Variants in ANK1 observed in about 807,000 individuals in gnomAD.
ANK1 encodes the protein ankyrin-1.
A neutral mutation model predicts 210.4 loss-of-function variants in ANK1; 51 were observed. The observed-to-expected ratio is 0.24, with a 90% confidence interval of 0.19 to 0.31. The LOEUF (loss-of-function observed/expected upper bound fraction) is 0.31. Ranked by LOEUF, ANK1 falls within the 10% of genes least tolerant of loss-of-function variation. ANK1 has a pLI of 1.00. For synonymous variants in ANK1, 967 were observed against 1,025.9 expected (o/e 0.94, Z 1.10); for missense variants, 2,051 against 2,504.4 (o/e 0.82, Z 3.86).
chr8:41,750,830 TGA>T (rs1837532844), intron 2 of ANK1, among the ~76,000 whole-genome samples: 1 of 152,228 alleles, frequency 6.6e-6, no homozygotes, highest in African/African-American at 2.4e-5. Context: ...TGCCTTACGC[TGA>T]GTTGTGGACG....
At chr8:41,788,488 GACCAGCCAGTCA>G (rs1846909256) in intron 1 of ANK1, among the ~76,000 whole-genome samples, 1 of 152,150 alleles carries the variant, frequency 6.6e-6, no homozygotes, top group Non-Finnish European at 1.5e-5. Context: ...GCACCTACAC[GACCAGCCAGTCA>G]ATATCCCCAA....
chr8:41,690,665 C>T (rs1819031676), intron 31 of ANK1, 66 bp from the exon 32 acceptor site: 1 of 1,575,720 alleles, frequency 6.3e-7, no homozygotes, highest in Non-Finnish European at 8.6e-7. Flanking sequence ...CCTCCTTCCA[C>T]CTTCGGTCCT....
Position 41,675,917 on chromosome 8 carries a change from T to TGA in ANK1, c.4538-3006_4538-3005insTC, listed in dbSNP as rs1814007588. Among the ~76,000 whole-genome samples, 3 of 152,352 alleles carry TGA rather than the reference T, an allele frequency of 2.0e-5. No homozygotes were observed. The South Asian group carries it at 6.2e-4, about 32-fold the overall frequency. ...CTTCTTTCACTCAACGTAGTCAATT[T>TGA]GGGTTTCATCCATGCTGATGCATGT... On this transcript the variant is annotated intron_variant, in intron 37 of 42. Transcript: ENST00000289734.
chr8:41,879,013 G>A (rs1029460716), intron 1 of ANK1, among the ~76,000 whole-genome samples: 2 of 152,048 alleles, frequency 1.3e-5, no homozygotes, highest in Non-Finnish European at 2.9e-5. Context: ...GCAGTGAGCC[G>A]AGATTGCGCC....
chr8:41,858,936 A>C (rs1456502210), intron 1 of ANK1, among the ~76,000 whole-genome samples: 1 of 152,240 alleles, frequency 6.6e-6, no homozygotes, highest in Non-Finnish European at 1.5e-5. Context: ...GGAGGGACTC[A>C]GCTCAGGAAG....
intron 2 of ANK1, among the ~76,000 whole-genome samples, chr8:41,740,815 G>A (rs1834603477): frequency 1.3e-5 from 2 of 152,184 alleles, no homozygotes; most frequent in South Asian, 4.1e-4. Context: ...TGGGATACAG[G>A]CGCAAACCAG....
chr8:41,733,918 C>T, intron 3 of ANK1, 53 bp downstream of exon 3: 6 of 1,467,498 alleles, frequency 4.1e-6, no homozygotes, highest in Non-Finnish European at 5.7e-6. Context: ...TAAGGAAGGA[C>T]TCACAAACTT....
chr8:41,753,318 G>A (rs112292869), intron 2 of ANK1, among the ~76,000 whole-genome samples: 5,628 of 151,980 alleles, frequency 0.037, 347 homozygotes, highest in African/African-American at 0.13. Flanking sequence ...TGCCCACCTC[G>A]GCCTCCCAAA....
chr8:41,663,828 T>C lies in ANK1; in HGVS notation c.5395-86A>G, dbSNP rs536479796. 1.6e-4 allele frequency: 164 copies of C among 1,025,260 alleles called. No homozygotes were observed. In the South Asian group the frequency reaches 1.8e-3, roughly 11 times the overall value. The allele number at this position is 1,025,260 out of a possible 1,614,324, so 63.5% of individuals were successfully genotyped here. A position where few individuals can be genotyped will look rare whatever the true frequency, so the allele number is the denominator to read the frequency against. ...GGAGGACGAGGAAATGAAACAGCAG[T>C]AGCCACAATAGCCATGGCCCAATAA... On this transcript the variant is annotated intron_variant, in intron 39 of 42. Coordinates refer to ENST00000289734, the MANE Select transcript of ANK1 (RefSeq NM_000037.4).
Position 41,717,626 on chromosome 8 carries a change from G to A in ANK1, c.1283C>T (p.Ala428Val), listed in dbSNP as rs1015648649. ...TACCACGTTGGAGACGTTGGGCGAC[G>A]CCCCCCGCTGCAGGAGGTTCTTCAC... ...PIVKNLLQRG[A>V]SPNVSNVKVE... The change falls in exon 12 of 43, where the codon GCG becomes GTG. Residue 428 changes from alanine (A) to valine (V), a missense_variant. Coordinates refer to ENST00000289734, the MANE Select transcript of ANK1 (RefSeq NM_000037.4). The A allele has an allele frequency of 1.2e-5, 19 of 1,551,390 alleles. No individual in the cohort carries two copies. Among genetic ancestry groups the A allele is most frequent in the East Asian group, 2.4e-5 (1 of 40,926 alleles).
chr8:41,716,282 G>C (rs964980765), intron 13 of ANK1, among the ~76,000 whole-genome samples: 17 of 151,978 alleles, frequency 1.1e-4, no homozygotes, highest in African/African-American at 3.9e-4. Context: ...TTGAACTCTA[G>C]TTTGATTTTC....
At chr8:41,802,281 C>T (rs1365864072), upstream of ANK1, among the ~76,000 whole-genome samples, 4 of 152,230 alleles carry the variant, frequency 2.6e-5, no homozygotes, top group Non-Finnish European at 4.4e-5. Context: ...TGAGCCACCA[C>T]GCCCGACCTA....
chr8:41,845,616 T>C (rs1000263418), intron 1 of ANK1, among the ~76,000 whole-genome samples: 1 of 152,100 alleles, frequency 6.6e-6, no homozygotes, highest in East Asian at 1.9e-4. Context: ...ACTCCCTTCC[T>C]GCTGCAGTTG....
intron 20 of ANK1, among the ~76,000 whole-genome samples, 194 bp downstream of exon 20, chr8:41,703,847 C>T (rs781694461): frequency 1.4e-4 from 21 of 152,038 alleles, no homozygotes; most frequent in Non-Finnish European, 7.4e-5. Flanking sequence ...AAAAGGAAAA[C>T]GATCAATTCA....
intron 42 of ANK1, chr8:41,660,606 T>TGGCAC (rs777043700): frequency 2.3e-5 from 10 of 442,722 alleles, no homozygotes; most frequent in Non-Finnish European, 3.2e-5. Flanking sequence ...CCCTTCCTCA[T>TGGCAC]GGCACGGCAC....
At position 41,716,570 on chromosome 8, in the gene ANK1, G is replaced by A. The variant is rs80209606; in HGVS notation, c.1404+383C>T. Among the ~76,000 whole-genome samples, 581 of 152,182 alleles carry A rather than the reference G, an allele frequency of 3.8e-3. 9 individuals carry two copies. The highest frequency in any genetic ancestry group is 0.036 in the East Asian group (183 of 5,148). Reference sequence around the variant, plus strand: ...CTCACTGTCTACTCCTCCAACCCCCGCAAAATGTGTTTACAGCAAGGGGGA... The same window carrying A: ...CTCACTGTCTACTCCTCCAACCCCCACAAAATGTGTTTACAGCAAGGGGGA... On this transcript the variant is annotated intron_variant, in intron 13 of 42. Transcript: ENST00000289734.
intron 1 of ANK1, among the ~76,000 whole-genome samples, chr8:41,839,106 C>T (rs921920236): frequency 2.6e-5 from 4 of 152,168 alleles, no homozygotes; most frequent in Admixed American, 6.5e-5. Context: ...AAAGATGCAA[C>T]AATGACTGTA....
At chr8:41,680,291 A>C (rs893431802) in intron 37 of ANK1, among the ~76,000 whole-genome samples, 3 of 152,174 alleles carry the variant, frequency 2.0e-5, no homozygotes, top group African/African-American at 7.2e-5. Flanking sequence ...GGCCGGGCAC[A>C]GTGGCTCATG....
At chr8:41,808,317 C>G (rs1240575061) in intron 1 of ANK1, among the ~76,000 whole-genome samples, 2 of 152,188 alleles carry the variant, frequency 1.3e-5, no homozygotes, top group African/African-American at 4.8e-5. Flanking sequence ...GTAAGATGGT[C>G]TCAGTCCTGG....
Sources: allele counts gnomAD v4.1 joint callset (sites outside exome capture counted in the v4.1 genomes callset), GRCh38; gene constraint gnomAD v4.1.1; transcripts MANE v1.5; gene names NCBI Gene and HGNC (gene_info 2026-07-23, HGNC 2026-07-21).